TCF7L1: variants seen among roughly 807,000 people sequenced by gnomAD.
TCF7L1 encodes the protein transcription factor 7 like 1.
In TCF7L1, 18 loss-of-function variants were observed where a neutral mutation model predicts 63.7. The ratio of observed to expected loss-of-function variants is 0.28; its 90% CI spans 0.20 to 0.42. The LOEUF (loss-of-function observed/expected upper bound fraction) is 0.42. TCF7L1 is among the 10% of genes least tolerant of loss of function. The pLI is 1.00. For missense variants in TCF7L1, 654 were observed against 779.3 expected (o/e 0.84, Z 1.91); for synonymous variants, 355 against 340.9 (o/e 1.04, Z -0.46).
intron 3 of TCF7L1, chr2:85,262,380 C>A: frequency 2.4e-6 from 1 of 411,886 alleles, no homozygotes; most frequent in Non-Finnish European, 4.9e-6. Context: ...ATCAAGACAC[C>A]GTCTCTTAAA....
At chr2:85,185,734 C>T (rs1370156892) in intron 3 of TCF7L1, among the ~76,000 whole-genome samples, 3 of 152,094 alleles carry the variant, frequency 2.0e-5, no homozygotes, top group Admixed American at 1.3e-4. Context: ...GTTAGGACAT[C>T]TTAGGAAGTG....
intron 3 of TCF7L1, among the ~76,000 whole-genome samples, chr2:85,215,493 G>A (rs578240981): frequency 2.6e-5 from 4 of 152,238 alleles, no homozygotes; most frequent in Admixed American, 6.5e-5. Context: ...TGCTTGGCAG[G>A]TTGGCTTGGC....
chr2:85,190,584 T>A (rs1447016375), intron 3 of TCF7L1, among the ~76,000 whole-genome samples: 2 of 152,176 alleles, frequency 1.3e-5, no homozygotes, highest in Non-Finnish European at 2.9e-5. Flanking sequence ...ACCTGATGAC[T>A]GACCTAGGAA....
chr2:85,287,034 C>T (rs1443348087), intron 4 of TCF7L1, among the ~76,000 whole-genome samples: 1 of 152,196 alleles, frequency 6.6e-6, no homozygotes, highest in African/African-American at 2.4e-5. Context: ...ACCCTGTGTT[C>T]AGCCTTCCTG....
chr2:85,212,604 CAG>C (rs1679594010), intron 3 of TCF7L1, among the ~76,000 whole-genome samples: 1 of 152,128 alleles, frequency 6.6e-6, no homozygotes, highest in African/African-American at 2.4e-5. Flanking sequence ...CCATGCTAGG[CAG>C]GGGGACAGCA....
intron 4 of TCF7L1, among the ~76,000 whole-genome samples, chr2:85,290,169 C>G (rs7607282): frequency 6.6e-6 from 1 of 151,664 alleles, no homozygotes; most frequent in Non-Finnish European, 1.5e-5. Context: ...TTAGTAGAGA[C>G]GGGGTTTCAC....
chr2:85,180,774 C>A (rs1394643390), intron 3 of TCF7L1, among the ~76,000 whole-genome samples: 2 of 152,208 alleles, frequency 1.3e-5, no homozygotes, highest in Non-Finnish European at 2.9e-5. Flanking sequence ...TGTAGCAGCC[C>A]CAACACATAG....
rs573621923 is a variant in TCF7L1, at chr2:85,305,389, C to A, written c.975C>A (p.Ser325Arg). The A allele has an allele frequency of 8.7e-6, 14 of 1,611,648 alleles. No homozygotes were observed. The African/African-American group carries it at 1.3e-4, about 15-fold the overall frequency. The change falls in exon 8 of 12, where the codon AGC (serine) becomes AGA (arginine). Residue 325 changes from serine (S) to arginine (R), a missense_variant. Physicochemically the swap from Ser to Arg is moderately radical, Grantham distance 110. Coordinates refer to ENST00000282111, the MANE Select transcript of TCF7L1 (RefSeq NM_031283.3). ...AGGAACCGGCACCCCCCAGCCTGAG[C>A]CCTGCAGTGAGCGTGTAAGTAAGCG... The part of the protein sequence containing the change: ...VKQEPAPPSL[S>R]PAVSVKSPVT...
At position 85,309,502 on chromosome 2, in the gene TCF7L1, A is replaced by C; in HGVS notation, c.*40A>C. On this transcript the variant is annotated 3_prime_UTR_variant, in exon 12 of 12. Transcript: ENST00000282111. The stretch of plus-strand genomic sequence containing the variant: ...CTGCAGGCTGTCACATGACTCATTG[A>C]GTAGTAATGATTCAGAAGAAAAAGA... 1 of 1,503,318 alleles carries C rather than the reference A, an allele frequency of 6.7e-7. No homozygotes were observed. Among genetic ancestry groups the C allele is most frequent in the Non-Finnish European group, 8.9e-7 (1 of 1,123,256 alleles). The allele number at this position is 1,503,318 out of a possible 1,614,324, so 93.1% of individuals were successfully genotyped here.
intron 4 of TCF7L1, among the ~76,000 whole-genome samples, chr2:85,299,857 TCAAACA>T (rs1681927624): frequency 4.1e-5 from 1 of 24,120 alleles, no homozygotes; most frequent in Non-Finnish European, 6.8e-5. Flanking sequence ...AGACCTTGTC[TCAAACA>T]CACACACACA....
chr2:85,308,431 T>TC (rs1558663463), intron 11 of TCF7L1, among the ~76,000 whole-genome samples: 1 of 103,090 alleles, frequency 9.7e-6, no homozygotes, highest in African/African-American at 4.1e-5. Flanking sequence ...CTCCCTCCTT[T>TC]TCTCCCTCCC....
intron 3 of TCF7L1, among the ~76,000 whole-genome samples, chr2:85,151,279 AG>A (rs1214750391): frequency 1.3e-5 from 2 of 152,164 alleles, no homozygotes; most frequent in Non-Finnish European, 2.9e-5. Flanking sequence ...AGTTTTTCAC[AG>A]TCTGGATTTT....
chr2:85,250,525 C>G (rs1680563869), intron 3 of TCF7L1, among the ~76,000 whole-genome samples: 1 of 152,120 alleles, frequency 6.6e-6, no homozygotes, highest in African/African-American at 2.4e-5. Flanking sequence ...CAACCTCCAC[C>G]TCCCGGGTTC....
intron 4 of TCF7L1, among the ~76,000 whole-genome samples, chr2:85,294,230 G>T (rs1187490776): frequency 6.6e-6 from 1 of 151,828 alleles, no homozygotes; most frequent in African/African-American, 2.4e-5. Context: ...TAAAGACGGG[G>T]TTTCACCATG....
chr2:85,154,767 T>C (rs1678106110), intron 3 of TCF7L1, among the ~76,000 whole-genome samples: 1 of 152,076 alleles, frequency 6.6e-6, no homozygotes, highest in East Asian at 1.9e-4. Flanking sequence ...GCACCAGATA[T>C]AAGGAAGGCC....
chr2:85,159,855 G>C (rs531409440), intron 3 of TCF7L1, among the ~76,000 whole-genome samples: 240 of 152,274 alleles, frequency 1.6e-3, no homozygotes, highest in Non-Finnish European at 2.6e-3. Flanking sequence ...TCGTGTGCCA[G>C]GGGGACCCAG....
At chr2:85,192,635 G>C (rs1306910938) in intron 3 of TCF7L1, among the ~76,000 whole-genome samples, 1 of 151,538 alleles carries the variant, frequency 6.6e-6, no homozygotes, top group Non-Finnish European at 1.5e-5. Context: ...CATCTGCCTC[G>C]GCCTCCCAGA....
intron 3 of TCF7L1, among the ~76,000 whole-genome samples, chr2:85,180,102 G>A (rs955068701): frequency 3.3e-5 from 5 of 152,086 alleles, no homozygotes; most frequent in Non-Finnish European, 5.9e-5. Flanking sequence ...AAGGGGCAGG[G>A]GGCACTGGCT....
At chr2:85,253,784 C>T (rs568542793) in intron 3 of TCF7L1, among the ~76,000 whole-genome samples, 1 of 152,342 alleles carries the variant, frequency 6.6e-6, no homozygotes, top group Non-Finnish European at 1.5e-5. Context: ...GTTAAACCAC[C>T]ACACAATCTT....
Sources: allele counts gnomAD v4.1 joint callset (sites outside exome capture counted in the v4.1 genomes callset), GRCh38; gene constraint gnomAD v4.1.1; transcripts MANE v1.5; gene names NCBI Gene and HGNC (gene_info 2026-07-23, HGNC 2026-07-21).